Variants in DENND4C observed in about 807,000 individuals in gnomAD.
DENND4C encodes DENN domain-containing protein 4C.
A neutral mutation model predicts 203.0 loss-of-function variants in DENND4C; 108 were observed. The ratio of observed to expected loss-of-function variants is 0.53; its 90% CI spans 0.46 to 0.62. The LOEUF is 0.62. Among genes scored for constraint, DENND4C ranks in the 20% least tolerant of loss-of-function variants. DENND4C has a pLI of 0.00. For synonymous variants in DENND4C, 871 were observed against 792.4 expected (o/e 1.10, Z -1.67); for missense variants, 2,481 against 2,301.2 (o/e 1.08, Z -1.60).
intron 1 of DENND4C, among the ~76,000 whole-genome samples, chr9:19,241,071 T>C (rs1823580018): frequency 1.3e-5 from 2 of 152,096 alleles, no homozygotes; most frequent in Non-Finnish European, 2.9e-5. Context: ...GAGAGGACCT[T>C]GCAGGAGTGG....
chr9:19,342,704 C>T lies in DENND4C; in HGVS notation c.3076C>T (p.Pro1026Ser), dbSNP rs764265168. The T allele has an allele frequency of 6.2e-7, 1 of 1,613,604 alleles. No individual in the cohort carries two copies. ...TCCAGAGCCTCACAGTCCTACTGAA[C>T]CTCCTGCATGGGGCAGCAGTATTGT... ...PSPEPHSPTE[P>S]PAWGSSIVKV... Residue 1026 changes from proline to serine, a missense_variant, in exon 22 of 33, where the codon CCT becomes TCT. Pro to Ser is a moderately conservative substitution (Grantham distance 74, BLOSUM62 -1). This residue lies in a region of DENND4C where 2,289 missense variants were observed against 2,113.3 expected (regional missense o/e 1.08). Transcript: ENST00000434457.
At chr9:19,309,098 G>A (rs144918566) in intron 10 of DENND4C, among the ~76,000 whole-genome samples, 10 of 152,270 alleles carry the variant, frequency 6.6e-5, no homozygotes, top group Non-Finnish European at 1.0e-4. Flanking sequence ...GTGACTATGG[G>A]ATTTCTTTTT....
At chr9:19,258,359 G>C (rs778325823) in intron 1 of DENND4C, among the ~76,000 whole-genome samples, 1 of 152,100 alleles carries the variant, frequency 6.6e-6, no homozygotes, top group Non-Finnish European at 1.5e-5. Context: ...GTTCTGTCAT[G>C]TTAGCATTAT....
intron 1 of DENND4C, among the ~76,000 whole-genome samples, chr9:19,271,493 C>T (rs1831658064): frequency 6.6e-6 from 1 of 152,122 alleles, no homozygotes; most frequent in Non-Finnish European, 1.5e-5. Flanking sequence ...TGAGCTACCG[C>T]CTCTGGCCAG....
intron 16 of DENND4C, among the ~76,000 whole-genome samples, 191 bp downstream of exon 16, chr9:19,328,353 C>A (rs1191683213): frequency 6.6e-6 from 1 of 152,202 alleles, no homozygotes; most frequent in Non-Finnish European, 1.5e-5. Flanking sequence ...GTGGCTCACG[C>A]CTGTATCCCA....
intron 1 of DENND4C, among the ~76,000 whole-genome samples, chr9:19,262,313 C>G (rs1440868964): frequency 6.6e-6 from 1 of 151,944 alleles, no homozygotes; most frequent in Non-Finnish European, 1.5e-5. Context: ...GTCTTGAACT[C>G]CTGACCTCAG....
intron 1 of DENND4C, among the ~76,000 whole-genome samples, chr9:19,250,628 A>G (rs1325576525): frequency 6.6e-6 from 1 of 151,940 alleles, no homozygotes; most frequent in Admixed American, 6.5e-5. Context: ...TGTAAAATCA[A>G]AAGCAAGTTA....
At chr9:19,296,303 ATTTG>A (rs1477351397) in intron 6 of DENND4C, 57 bp downstream of exon 6, 18 of 1,162,606 alleles carry the variant, frequency 1.5e-5, no homozygotes, top group Non-Finnish European at 2.1e-5. Flanking sequence ...AAATATATAC[ATTTG>A]TTTGTGTAAT....
chr9:19,316,623 C>T lies in DENND4C; in HGVS notation c.1591C>T (p.His531Tyr), dbSNP rs1280342180. ...KKLYPQLSSV[H>Y]QKTQEGSAID... The stretch of plus-strand genomic sequence containing the variant: ...TCTGTTTTTATTTCCTTTGTTAGTT[C>T]ACCAAAAAACTCAAGAAGGCTCAGC... The change falls in exon 12 of 33, where the codon CAC (histidine) becomes TAC (tyrosine). Residue 531 changes from histidine to tyrosine, a missense_variant and splice_region_variant. Around this residue, in one of 3 missense-constraint regions of DENND4C, gnomAD observed 2,289 missense variants for 2,113.3 expected, o/e 1.08. Transcript: ENST00000434457. 6.8e-6 allele frequency: 11 copies of T among 1,612,034 alleles called. No homozygotes were observed. The South Asian group carries it at 1.1e-4, about 16-fold the overall frequency.
intron 7 of DENND4C, among the ~76,000 whole-genome samples, chr9:19,298,561 T>C (rs1488705938): frequency 6.6e-6 from 1 of 152,136 alleles, no homozygotes; most frequent in Admixed American, 6.5e-5. Context: ...TAGGTAGGTG[T>C]ACAGCTTGTG....
chr9:19,334,972 G>C lies in DENND4C; in HGVS notation c.2461-5G>C. 2 of 1,530,300 alleles carry C rather than the reference G, an allele frequency of 1.3e-6. No homozygotes were observed. The highest frequency in any genetic ancestry group is 2.9e-5 in the African/African-American group (2 of 69,722). 94.8% of individuals were successfully genotyped at this position (1,530,300 alleles called of 1,614,324 possible). On this transcript the variant is annotated splice_polypyrimidine_tract_variant and splice_region_variant and intron_variant, in intron 17 of 32. Transcript: ENST00000434457. Reference sequence around the variant, plus strand: ...TTACTGACACTGATTTTTTTTTTTTGTTAGGTGTGCTATCGAGTAGTGATG... The same window carrying C: ...TTACTGACACTGATTTTTTTTTTTTCTTAGGTGTGCTATCGAGTAGTGATG...
At chr9:19,266,686 A>G (rs1830571502) in intron 1 of DENND4C, among the ~76,000 whole-genome samples, 1 of 152,214 alleles carries the variant, frequency 6.6e-6, no homozygotes, top group Admixed American at 6.5e-5. Flanking sequence ...ATCTACAACC[A>G]TCTGATCTTT....
rs777014416 is a variant in DENND4C, at chr9:19,352,618, C to G, written c.4734C>G (p.Phe1578Leu). ...NTACPFCKSN[F>L]LPLLNIEFKD... ...CTTGTCCATTCTGTAAAAGCAACTT[C>G]TTGCCTCTTCTCAATATAGAATTCA... The change falls in exon 26 of 33, where the codon TTC (phenylalanine) becomes TTG (leucine). Residue 1578 changes from phenylalanine to leucine, a missense_variant. By Grantham distance (22) the Phe-to-Leu change is conservative. Coordinates refer to ENST00000434457, the MANE Select transcript of DENND4C (RefSeq NM_001330640.2). The G allele has an allele frequency of 1.2e-6, 2 of 1,613,152 alleles. No homozygotes were observed. Among genetic ancestry groups the G allele is most frequent in the Admixed American group, 3.3e-5 (2 of 59,928 alleles).
intron 1 of DENND4C, among the ~76,000 whole-genome samples, chr9:19,274,449 C>G (rs1235662737): frequency 1.3e-5 from 2 of 152,116 alleles, no homozygotes; most frequent in Non-Finnish European, 2.9e-5. Context: ...GCATGCGCCA[C>G]CGCACCCAGC....
chr9:19,285,030 C>G (rs1834907506), intron 2 of DENND4C, among the ~76,000 whole-genome samples: 1 of 151,970 alleles, frequency 6.6e-6, no homozygotes, highest in Admixed American at 6.6e-5. Context: ...CCGGGGGATC[C>G]CCTTCTGGTG....
intron 2 of DENND4C, among the ~76,000 whole-genome samples, chr9:19,285,328 T>A (rs1189000235): frequency 6.6e-6 from 1 of 152,184 alleles, no homozygotes; most frequent in Non-Finnish European, 1.5e-5. Flanking sequence ...GTCATACAGT[T>A]CACTTACTTA....
intron 1 of DENND4C, among the ~76,000 whole-genome samples, chr9:19,265,860 A>T (rs1588783607): frequency 6.6e-6 from 1 of 152,118 alleles, no homozygotes; most frequent in Non-Finnish European, 1.5e-5. Flanking sequence ...TCATTGTTGG[A>T]CATTTGGGTT....
intron 20 of DENND4C, among the ~76,000 whole-genome samples, chr9:19,340,349 A>G (rs1478248672): frequency 6.6e-6 from 1 of 152,204 alleles, no homozygotes; most frequent in Non-Finnish European, 1.5e-5. Flanking sequence ...AATGTGTTCA[A>G]AGTTACTTGG....
At chr9:19,251,353 G>A (rs2131606809) in intron 1 of DENND4C, among the ~76,000 whole-genome samples, 1 of 152,346 alleles carries the variant, frequency 6.6e-6, no homozygotes, top group South Asian at 2.1e-4. Flanking sequence ...CACACAGCAA[G>A]GGGATGCTGG....
Sources: allele counts gnomAD v4.1 joint callset (sites outside exome capture counted in the v4.1 genomes callset), GRCh38; gene constraint gnomAD v4.1.1; regional missense constraint gnomAD v4.1.1; transcripts MANE v1.5; gene names NCBI Gene and HGNC (gene_info 2026-07-23, HGNC 2026-07-21).